RPTOR: variants seen among roughly 807,000 people sequenced by gnomAD.
RPTOR encodes the protein regulatory-associated protein of mTOR.
In RPTOR, 21 loss-of-function variants were observed where a neutral mutation model predicts 169.9. The observed-to-expected ratio is 0.12, with a 90% CI of 0.09 to 0.18. RPTOR has a LOEUF of 0.18. Ranked by LOEUF, RPTOR falls within the 10% of genes least tolerant of loss-of-function variation. The pLI, the probability that RPTOR is intolerant of heterozygous loss-of-function variation, is 1.00. For missense variants in RPTOR, 1,133 were observed against 1,855.9 expected (o/e 0.61, Z 7.16); for synonymous variants, 732 against 753.2 (o/e 0.97, Z 0.46).
At chr17:80,725,057 A>C (rs187577202) in intron 4 of RPTOR, among the ~76,000 whole-genome samples, 1 of 152,254 alleles carries the variant, frequency 6.6e-6, no homozygotes, top group Non-Finnish European at 1.5e-5. Flanking sequence ...AAAGGGATAA[A>C]ACGCTCACAT....
chr17:80,878,008 A>C lies in RPTOR; in HGVS notation c.1510-2407A>C, dbSNP rs764273568. 1.3e-5 allele frequency among the ~76,000 whole-genome samples: 2 copies of C among 152,200 alleles called. No individual in the cohort carries two copies. The highest frequency in any genetic ancestry group is 2.9e-5 in the Non-Finnish European group (2 of 68,038). On this transcript the variant is annotated intron_variant, in intron 13 of 33. Transcript: ENST00000306801. The surrounding 1 kb of genome is among the most constrained non-coding windows in gnomAD (Gnocchi z 4.1). Reference sequence around the variant, plus strand: ...TGCATAACCAGCAGATTCCCTCTGCAAAACTGCTCCTGCCTCAGTGGGAAA... The same window carrying C: ...TGCATAACCAGCAGATTCCCTCTGCCAAACTGCTCCTGCCTCAGTGGGAAA...
At chr17:80,864,321 A>AAT (rs1567956007) in intron 13 of RPTOR, among the ~76,000 whole-genome samples, 18 of 133,172 alleles carry the variant, frequency 1.4e-4, no homozygotes, top group Admixed American at 4.5e-4. Flanking sequence ...AAAAGGTGAG[A>AAT]GTGACGGCAG....
At chr17:80,891,689 G>T (rs760998206) in intron 17 of RPTOR, 31 bp from the exon 18 acceptor site, 1 of 1,415,472 alleles carries the variant, frequency 7.1e-7, no homozygotes, top group Non-Finnish European at 9.9e-7. Flanking sequence ...CAGCCCCAGT[G>T]ACTGTTATTG....
chr17:80,728,446 G>GGGGTGTGTGTGTGTGTGT (rs1555612016), intron 4 of RPTOR, among the ~76,000 whole-genome samples: 7 of 148,174 alleles, frequency 4.7e-5, no homozygotes, highest in East Asian at 4.0e-4. Flanking sequence ...TCCACTCTGG[G>GGGGTGTGTGTGTGTGTGT]GTGTGTGTGT....
chr17:80,599,521 T>C (rs765724027), intron 1 of RPTOR, among the ~76,000 whole-genome samples: 7 of 152,058 alleles, frequency 4.6e-5, no homozygotes, highest in Non-Finnish European at 1.0e-4. Flanking sequence ...TGGGATGGGG[T>C]GTTGGGCAGA....
At position 80,900,886 on chromosome 17, in the gene RPTOR, C is replaced by G. The variant is rs571495438; in HGVS notation, c.2401+7021C>G. Among the ~76,000 whole-genome samples the G allele has an allele frequency of 2.6e-5, 4 of 152,368 alleles. No individual in the cohort carries two copies. In the South Asian group the frequency reaches 8.3e-4, roughly 32 times the overall value. On this transcript the variant is annotated intron_variant, in intron 20 of 33. Coordinates refer to ENST00000306801, the MANE Select transcript of RPTOR (RefSeq NM_020761.3). ...AGTGTGGCGCTGGGTCACCATGGCA[C>G]CATTGAGAGCTTCCGTCTGCAGGTC...
chr17:80,657,406 T>C (rs1046609209), intron 3 of RPTOR, among the ~76,000 whole-genome samples: 2 of 152,232 alleles, frequency 1.3e-5, no homozygotes, highest in African/African-American at 4.8e-5. Context: ...TTTCATGCCT[T>C]TGACTCCTGT....
intron 23 of RPTOR, 160 bp downstream of exon 23, chr17:80,923,833 C>T (rs910217590): frequency 1.4e-5 from 11 of 769,590 alleles, no homozygotes; most frequent in South Asian, 5.6e-5. Flanking sequence ...TTTGCAGACC[C>T]GGGTGCTGGT....
chr17:80,585,307 C>T (rs1194977988), intron 1 of RPTOR, among the ~76,000 whole-genome samples: 2 of 151,698 alleles, frequency 1.3e-5, no homozygotes, highest in South Asian at 2.1e-4. Context: ...CGGGTTCAAG[C>T]GATTCTCCTG....
chr17:80,618,871 T>C (rs1373473416), intron 1 of RPTOR, among the ~76,000 whole-genome samples: 8 of 152,206 alleles, frequency 5.3e-5, no homozygotes, highest in African/African-American at 1.2e-4. Flanking sequence ...AGAAATTCAG[T>C]TGGATGTGCT....
At chr17:80,705,684 CTTTCTTTAT>C (rs1450716611) in intron 3 of RPTOR, among the ~76,000 whole-genome samples, 1 of 152,090 alleles carries the variant, frequency 6.6e-6, no homozygotes, top group Admixed American at 6.5e-5. Context: ...GCCAGGGAAC[CTTTCTTTAT>C]TTTCTTTATT....
chr17:80,689,864 G>T (rs1412531590), intron 3 of RPTOR, among the ~76,000 whole-genome samples: 1 of 152,062 alleles, frequency 6.6e-6, no homozygotes, highest in Non-Finnish European at 1.5e-5. Flanking sequence ...TTTGGTATGT[G>T]TACCTTTGCT....
At position 80,857,819 on chromosome 17, in the gene RPTOR, G is replaced by A. The variant is rs1344269855; in HGVS notation, c.1428G>A (p.Val476=). ...LALSVGIFPY[V]LKLLQSSARE... ...TGTCTGTCGGCATCTTCCCCTACGTGCTGAAGCTGCTCCAGAGCTCGGCCC... is the reference window on the plus strand; with the variant it reads ...TGTCTGTCGGCATCTTCCCCTACGTACTGAAGCTGCTCCAGAGCTCGGCCC... Residue 476 remains valine, a synonymous_variant, in exon 13 of 34, where the codon GTG becomes GTA. Transcript: ENST00000306801. 4 of 1,611,996 alleles carry A rather than the reference G, an allele frequency of 2.5e-6. No homozygotes were observed. The African/African-American group carries it at 4.0e-5, about 16-fold the overall frequency.
intron 11 of RPTOR, among the ~76,000 whole-genome samples, chr17:80,850,742 A>G (rs2067784969): frequency 6.6e-6 from 1 of 152,224 alleles, no homozygotes; most frequent in African/African-American, 2.4e-5. Context: ...CAGCAGAATG[A>G]CAAACTAGAG....
At position 80,861,735 on chromosome 17, in the gene RPTOR, A is replaced by G. The variant is rs1598359640; in HGVS notation, c.1509+3835A>G. Among the ~76,000 whole-genome samples, 1 of 152,166 alleles carries G rather than the reference A, an allele frequency of 6.6e-6. No individual in the cohort carries two copies. Among genetic ancestry groups the G allele is most frequent in the African/African-American group, 2.4e-5 (1 of 41,440 alleles). On this transcript the variant is annotated intron_variant, in intron 13 of 33. Transcript: ENST00000306801. The surrounding 1 kb of genome is among the most constrained non-coding windows in gnomAD (Gnocchi z 4.5). ...CGGCCGCCTGAGCCTGCTCCCCAGC[A>G]CCGCCAGTGCTGCAGGAACGTGTCT...
intron 10 of RPTOR, among the ~76,000 whole-genome samples, chr17:80,842,827 C>T (rs928338116): frequency 6.6e-6 from 1 of 152,184 alleles, no homozygotes; most frequent in Non-Finnish European, 1.5e-5. Flanking sequence ...ATTTCACGTC[C>T]CCCGTGAATG....
At chr17:80,904,194 C>T (rs749243220) in intron 20 of RPTOR, among the ~76,000 whole-genome samples, 3 of 152,206 alleles carry the variant, frequency 2.0e-5, no homozygotes, top group East Asian at 1.9e-4. Context: ...ACAGCCACAC[C>T]GAGTTGTGGG....
At chr17:80,929,160 T>C (rs1049788303) in intron 24 of RPTOR, among the ~76,000 whole-genome samples, 3 of 152,258 alleles carry the variant, frequency 2.0e-5, no homozygotes, top group Non-Finnish European at 4.4e-5. Context: ...GTTAGAATAC[T>C]ATACAACCAT....
chr17:80,623,215 T>C (rs2065368276), intron 1 of RPTOR, among the ~76,000 whole-genome samples: 1 of 152,200 alleles, frequency 6.6e-6, no homozygotes, highest in Non-Finnish European at 1.5e-5. Context: ...AGGAATGATC[T>C]ATTGGAAAGA....
Sources: allele counts gnomAD v4.1 joint callset (sites outside exome capture counted in the v4.1 genomes callset), GRCh38; gene constraint gnomAD v4.1.1; non-coding constraint Gnocchi (gnomAD v3.1); transcripts MANE v1.5; gene names NCBI Gene and HGNC (gene_info 2026-07-23, HGNC 2026-07-21).